ERC1: variants seen among roughly 807,000 people sequenced by gnomAD.
ERC1 encodes ELKS/RAB6-interacting/CAST family member 1.
A neutral mutation model predicts 132.0 loss-of-function variants in ERC1; 56 were observed. The observed-to-expected ratio is 0.42, with a 90% CI of 0.34 to 0.53. ERC1 has a LOEUF of 0.53. Among genes scored for constraint, ERC1 ranks in the 20% least tolerant of loss-of-function variants. The pLI, the probability that ERC1 is intolerant of heterozygous loss-of-function variation, is 0.03. For synonymous variants in ERC1, 478 were observed against 476.1 expected, an observed-to-expected ratio of 1.00 and a Z score of -0.05; for missense variants, 1,202 against 1,349.9, an observed-to-expected ratio of 0.89 and a Z score of 1.72.
At chr12:1,378,418 A>T (rs2088203372) in intron 16 of ERC1, among the ~76,000 whole-genome samples, 1 of 152,238 alleles carries the variant, frequency 6.6e-6, no homozygotes, top group South Asian at 2.1e-4. Context: ...ACCCAGTTAG[A>T]TGAAAATCAC....
At chr12:1,374,528 G>A (rs536400367) in intron 16 of ERC1, among the ~76,000 whole-genome samples, 1 of 152,158 alleles carries the variant, frequency 6.6e-6, no homozygotes, top group South Asian at 2.1e-4. Flanking sequence ...TTCTGTGGTG[G>A]GTGCCAGCCA....
intron 1 of ERC1, among the ~76,000 whole-genome samples, chr12:995,409 TG>T (rs1459703531): frequency 2.0e-5 from 3 of 152,072 alleles, no homozygotes; most frequent in Non-Finnish European, 4.4e-5. Flanking sequence ...AATTTGTTGG[TG>T]GTTGTTTGCG....
intron 14 of ERC1, among the ~76,000 whole-genome samples, chr12:1,286,568 C>T (rs1164742564): frequency 1.3e-5 from 2 of 151,782 alleles, no homozygotes; most frequent in African/African-American, 2.4e-5. Flanking sequence ...GTCTGTACAG[C>T]GTTGTAGTAG....
chr12:1,285,663 TC>T (rs2078994017), intron 14 of ERC1, among the ~76,000 whole-genome samples: 1 of 152,144 alleles, frequency 6.6e-6, no homozygotes, highest in South Asian at 2.1e-4. Flanking sequence ...TAAAAATTTT[TC>T]CTACAAATTT....
intron 1 of ERC1, chr12:1,027,372 G>T (rs1370230244): frequency 2.7e-5 from 4 of 150,608 alleles, no homozygotes; most frequent in Non-Finnish European, 5.9e-5. Flanking sequence ...TATACTTCTT[G>T]TTTTTTTTTC....
At chr12:1,056,636 T>G (rs1302682091) in intron 2 of ERC1, among the ~76,000 whole-genome samples, 1 of 152,184 alleles carries the variant, frequency 6.6e-6, no homozygotes, top group African/African-American at 2.4e-5. Flanking sequence ...AATCTTTTAT[T>G]ATGCAGATGG....
At chr12:1,054,165 G>A (rs376260551) in intron 2 of ERC1, among the ~76,000 whole-genome samples, 3 of 152,236 alleles carry the variant, frequency 2.0e-5, no homozygotes, top group African/African-American at 7.2e-5. Context: ...TGACTGTTAC[G>A]TGCTGTAAAA....
At chr12:1,208,957 ATTTTTTTTTTTT>A (rs538961813) in intron 12 of ERC1, among the ~76,000 whole-genome samples, 6 of 71,610 alleles carry the variant, frequency 8.4e-5, no homozygotes, top group African/African-American at 1.9e-4. Flanking sequence ...CGCCCAGCTG[ATTTTTTTTTTTT>A]TTTTTTTTTT....
At chr12:1,238,751 C>T (rs944816874) in intron 13 of ERC1, among the ~76,000 whole-genome samples, 5 of 152,084 alleles carry the variant, frequency 3.3e-5, no homozygotes, top group Non-Finnish European at 5.9e-5. Flanking sequence ...TCTCTATAAA[C>T]CAAAGATACT....
At chr12:1,328,033 T>C (rs1018353919) in intron 15 of ERC1, among the ~76,000 whole-genome samples, 1 of 152,214 alleles carries the variant, frequency 6.6e-6, no homozygotes, top group East Asian at 1.9e-4. Context: ...TATTCTATTT[T>C]ATCACTTTGT....
intron 13 of ERC1, among the ~76,000 whole-genome samples, chr12:1,254,150 A>G (rs766079772): frequency 2.6e-5 from 4 of 152,204 alleles, no homozygotes; most frequent in African/African-American, 7.2e-5. Context: ...GTAAAACTCT[A>G]AAGATACTGC....
chr12:1,396,859 A>G (rs897099308), intron 16 of ERC1, among the ~76,000 whole-genome samples: 1 of 152,202 alleles, frequency 6.6e-6, no homozygotes, highest in African/African-American at 2.4e-5. Flanking sequence ...TGGGTCCATT[A>G]GAGGCTCGCT....
chr12:1,011,111 C>CT (rs1565778170), intron 1 of ERC1, among the ~76,000 whole-genome samples: 1 of 152,198 alleles, frequency 6.6e-6, no homozygotes, highest in African/African-American at 2.4e-5. Flanking sequence ...TTGAAAATGA[C>CT]TTTGAGACTA....
Position 1,199,816 on chromosome 12 carries a change from A to G in ERC1, c.2351+9764A>G, listed in dbSNP as rs1047907669. On this transcript the variant is annotated intron_variant, in intron 12 of 18. Coordinates refer to ENST00000360905, the MANE Select transcript of ERC1 (RefSeq NM_178040.4). Reference sequence around the variant, plus strand: ...AAAAAAAAAGTTATGTGATCTGTTCATAGGATTTGGGCTAAATTCTGAGCA... The same window carrying G: ...AAAAAAAAAGTTATGTGATCTGTTCGTAGGATTTGGGCTAAATTCTGAGCA... Among the ~76,000 whole-genome samples, 16 of 151,990 alleles carry G rather than the reference A, an allele frequency of 1.1e-4. No individual in the cohort carries two copies. In the East Asian group the frequency reaches 3.1e-3, roughly 29 times the overall value.
At chr12:1,297,977 A>C (rs2080094900) in intron 15 of ERC1, among the ~76,000 whole-genome samples, 1 of 152,164 alleles carries the variant, frequency 6.6e-6, no homozygotes, top group African/African-American at 2.4e-5. Context: ...CTGTGATCCC[A>C]GTGCTTTGGG....
chr12:1,033,739 C>G (rs1053991830), intron 2 of ERC1, among the ~76,000 whole-genome samples: 12 of 152,070 alleles, frequency 7.9e-5, no homozygotes, highest in African/African-American at 2.9e-4. Context: ...AAGCGATTCT[C>G]CTGCCTCAGC....
In ERC1 at chr12:1,398,353, A is replaced by G. The variant is rs999537718; in HGVS notation, c.2926-9796A>G. Reference sequence around the variant, plus strand: ...TGTATTGGTTTTGAATTTTAAAAGCATTATATTGTTAGAGAAAACAAATAA... The same window carrying G: ...TGTATTGGTTTTGAATTTTAAAAGCGTTATATTGTTAGAGAAAACAAATAA... On this transcript the variant is annotated intron_variant, in intron 16 of 18. Transcript: ENST00000360905. 2.7e-4 allele frequency among the ~76,000 whole-genome samples: 41 copies of G among 152,204 alleles called. 1 individual carries two copies.
rs970228939 is a variant in ERC1 at position 1,147,914 on chromosome 12, A to G, written c.1737+6127A>G. Reference sequence around the variant, plus strand: ...ATTAGGTCATAAGTGTTAGGGGCATATATTTTACTTTTATAACATTTGTTT... The same window carrying G: ...ATTAGGTCATAAGTGTTAGGGGCATGTATTTTACTTTTATAACATTTGTTT... On this transcript the variant is annotated intron_variant, in intron 8 of 18. Coordinates refer to ENST00000360905, the MANE Select transcript of ERC1 (RefSeq NM_178040.4). 2.0e-5 allele frequency among the ~76,000 whole-genome samples: 3 copies of G among 152,164 alleles called. No individual in the cohort carries two copies. In the East Asian group the frequency reaches 5.8e-4, roughly 29 times the overall value.
intron 17 of ERC1, among the ~76,000 whole-genome samples, chr12:1,427,046 A>G (rs1455107062): frequency 6.6e-6 from 1 of 152,138 alleles, no homozygotes; most frequent in African/African-American, 2.4e-5. Flanking sequence ...AATTTCTCTG[A>G]TAACTGGACA....
Sources: allele counts gnomAD v4.1 joint callset (sites outside exome capture counted in the v4.1 genomes callset), GRCh38; gene constraint gnomAD v4.1.1; transcripts MANE v1.5; gene names NCBI Gene and HGNC (gene_info 2026-07-23, HGNC 2026-07-21).